Variants in PDE7B observed in about 807,000 individuals in gnomAD.
PDE7B encodes the protein 3',5'-cyclic-AMP phosphodiesterase 7B.
PDE7B carries 29 observed loss-of-function variants against 56.2 expected under a neutral mutation model. The ratio of observed to expected loss-of-function variants is 0.52; its 90% confidence interval spans 0.38 to 0.70. The LOEUF (loss-of-function observed/expected upper bound fraction) is 0.70, where lower values mean the gene tolerates loss of function less well. PDE7B is among the 30% of genes least tolerant of loss of function. The pLI is 0.00. For missense variants in PDE7B, 490 were observed against 565.0 expected (o/e 0.87, Z 1.35); for synonymous variants, 197 against 196.9 (o/e 1.00, Z 0.00).
At chr6:135,885,908 C>T (rs1281310966) in intron 1 of PDE7B, among the ~76,000 whole-genome samples, 1 of 152,196 alleles carries the variant, frequency 6.6e-6, no homozygotes, top group African/African-American at 2.4e-5. Context: ...TGTTAATTCA[C>T]AGGCATGCAG....
rs1368366725 is a variant in PDE7B at position 136,127,470 on chromosome 6, C to T, written c.166+18656C>T. Among the ~76,000 whole-genome samples the T allele has an allele frequency of 3.3e-5, 5 of 152,064 alleles. 1 individual carries two copies. In the South Asian group the frequency reaches 8.3e-4, roughly 25 times the overall value. On this transcript the variant is annotated intron_variant, in intron 3 of 12. Coordinates refer to ENST00000308191, the MANE Select transcript of PDE7B (RefSeq NM_018945.4). ...GCTTTTGGTTCCAAAGTGTCTTAAA[C>T]GTAAGAGATGATGGCTTCTAAGGCT...
At chr6:135,906,829 T>TTTTGTTTTTTTTTTTGTTTG (rs1185021608) in intron 1 of PDE7B, among the ~76,000 whole-genome samples, 1 of 142,604 alleles carries the variant, frequency 7.0e-6, no homozygotes, top group African/African-American at 2.8e-5. Context: ...TTTTTTTTTT[T>TTTTGTTTTTTTTTTTGTTTG]TTTTTTTAAT....
chr6:135,898,684 G>C (rs868229790), intron 1 of PDE7B, among the ~76,000 whole-genome samples: 55 of 152,098 alleles, frequency 3.6e-4, no homozygotes, highest in Middle Eastern at 6.8e-3. Context: ...AGCGTAAATA[G>C]CATGGCCATA....
At chr6:136,062,902 A>G (rs1365156047) in intron 2 of PDE7B, among the ~76,000 whole-genome samples, 1 of 152,204 alleles carries the variant, frequency 6.6e-6, no homozygotes, top group African/African-American at 2.4e-5. Context: ...GGAGCAGAGT[A>G]GACAGGAAGA....
chr6:136,097,181 A>T (rs1777483397), intron 2 of PDE7B, among the ~76,000 whole-genome samples: 1 of 152,088 alleles, frequency 6.6e-6, no homozygotes, highest in Non-Finnish European at 1.5e-5. Flanking sequence ...GTTTTATTTG[A>T]TTTATAAATT....
rs147821317 is a variant in PDE7B at position 135,976,863 on chromosome 6, C to T, written c.82+29339C>T. 1.6e-3 allele frequency among the ~76,000 whole-genome samples: 242 copies of T among 152,206 alleles called. 1 individual carries two copies. In the East Asian group the frequency reaches 0.027, roughly 17 times the overall value. ...CCTAGGCTATTTCACTTTCTAAAAC[C>T]ACACACTTTCTATCCCATTCATTAT... On this transcript the variant is annotated intron_variant, in intron 2 of 12. Transcript: ENST00000308191.
rs1451070713 is a variant in PDE7B at position 136,173,794 on chromosome 6, T to C, written c.712-3T>C. The C allele has an allele frequency of 1.3e-6, 2 of 1,590,258 alleles. No individual in the cohort carries two copies. Among genetic ancestry groups the C allele is most frequent in the East Asian group, 2.2e-5 (1 of 44,782 alleles). ...TTATAACTCTTATTTTCTTTCTTTC[T>C]AGAATATGTCTGTGCTGGAGAATCA... On this transcript the variant is annotated splice_region_variant and splice_polypyrimidine_tract_variant and intron_variant, in intron 8 of 12. Transcript: ENST00000308191.
At chr6:136,026,717 C>G (rs1776158142) in intron 2 of PDE7B, among the ~76,000 whole-genome samples, 1 of 152,128 alleles carries the variant, frequency 6.6e-6, no homozygotes, top group Non-Finnish European at 1.5e-5. Flanking sequence ...TTGGGGGATT[C>G]TTGTCAGGAT....
chr6:136,052,926 T>A (rs927954047), intron 2 of PDE7B, among the ~76,000 whole-genome samples: 9 of 151,940 alleles, frequency 5.9e-5, no homozygotes, highest in Non-Finnish European at 1.0e-4. Flanking sequence ...ATATTCTTGA[T>A]CCCTTATGTC....
intron 1 of PDE7B, among the ~76,000 whole-genome samples, chr6:135,932,722 C>G (rs1160816995): frequency 2.6e-5 from 4 of 152,186 alleles, no homozygotes; most frequent in Admixed American, 2.6e-4. Flanking sequence ...CCTATGGTCA[C>G]CGGACTGGGA....
chr6:135,984,936 A>G (rs1434478296), intron 2 of PDE7B, among the ~76,000 whole-genome samples: 1 of 152,096 alleles, frequency 6.6e-6, no homozygotes, highest in Admixed American at 6.6e-5. Flanking sequence ...TGAGGAAAAG[A>G]GAACAGAAAC....
chr6:136,090,582 TTTTGC>T (rs1464914020), intron 2 of PDE7B, among the ~76,000 whole-genome samples: 3 of 152,356 alleles, frequency 2.0e-5, no homozygotes, highest in African/African-American at 7.2e-5. Context: ...ATTTTTGTTA[TTTTGC>T]TTTGAGTGTG....
At chr6:136,085,780 C>T (rs1013190564) in intron 2 of PDE7B, among the ~76,000 whole-genome samples, 1 of 152,170 alleles carries the variant, frequency 6.6e-6, no homozygotes, top group African/African-American at 2.4e-5. Context: ...AAGTTATTGC[C>T]CCCACATTAA....
Position 136,155,841 on chromosome 6 carries a change from G to A in PDE7B, c.711+83G>A, listed in dbSNP as rs1233994519. 3.5e-6 allele frequency: 5 copies of A among 1,413,166 alleles called. No individual in the cohort carries two copies. The African/African-American group carries it at 7.0e-5, about 20-fold the overall frequency. The allele number at this position is 1,413,166 out of a possible 1,614,324, so 87.5% of individuals were successfully genotyped here. On this transcript the variant is annotated intron_variant, in intron 8 of 12. Transcript: ENST00000308191. ...CTCAAGCCTGAATCTTGCCCATGGAGAAAGCCTTGTTTTAGGGTCCTAGAA... is the reference window on the plus strand; with the variant it reads ...CTCAAGCCTGAATCTTGCCCATGGAAAAAGCCTTGTTTTAGGGTCCTAGAA...
chr6:136,007,795 T>C (rs1224293866), intron 2 of PDE7B, among the ~76,000 whole-genome samples: 1 of 151,828 alleles, frequency 6.6e-6, no homozygotes, highest in Non-Finnish European at 1.5e-5. Flanking sequence ...TTATTTTTAT[T>C]TCTGTGAGGT....
intron 1 of PDE7B, among the ~76,000 whole-genome samples, chr6:135,927,484 C>T (rs1171682984): frequency 6.6e-6 from 1 of 152,018 alleles, no homozygotes; most frequent in African/African-American, 2.4e-5. Flanking sequence ...GGCAGTATGG[C>T]CATTTTAATG....
intron 2 of PDE7B, among the ~76,000 whole-genome samples, chr6:136,052,488 C>A (rs1427157505): frequency 6.6e-6 from 1 of 152,042 alleles, no homozygotes. Flanking sequence ...AAGACAGTTC[C>A]ATAAAGAACT....
At chr6:136,002,083 T>C (rs1583821218) in intron 2 of PDE7B, among the ~76,000 whole-genome samples, 1 of 152,328 alleles carries the variant, frequency 6.6e-6, no homozygotes, top group African/African-American at 2.4e-5. Context: ...ACCCAGAATT[T>C]CATATCCAGT....
intron 2 of PDE7B, among the ~76,000 whole-genome samples, chr6:135,973,702 G>A (rs1775133794): frequency 6.6e-6 from 1 of 152,122 alleles, no homozygotes; most frequent in Non-Finnish European, 1.5e-5. Context: ...GTATTGATTT[G>A]TGTTTTCCTA....
Sources: allele counts gnomAD v4.1 joint callset (sites outside exome capture counted in the v4.1 genomes callset), GRCh38; gene constraint gnomAD v4.1.1; transcripts MANE v1.5; gene names NCBI Gene and HGNC (gene_info 2026-07-23, HGNC 2026-07-21).